The following VSTM2L variants were observed in gnomAD, a reference collection of about 807,000 sequenced individuals.
The protein encoded by VSTM2L is V-set and transmembrane domain-containing protein 2-like protein.
In VSTM2L, 9 loss-of-function variants were observed where a neutral mutation model predicts 19.9. The ratio of observed to expected loss-of-function variants is 0.45; its 90% CI spans 0.27 to 0.79. The LOEUF is 0.79. Among genes scored for constraint, VSTM2L ranks in the 30% least tolerant of loss-of-function variants. The pLI is 0.15. For missense variants in VSTM2L, 286 were observed against 295.5 expected (o/e 0.97, Z 0.24); for synonymous variants, 127 against 133.8 (o/e 0.95, Z 0.35).
chr20:37,921,066 A>G (rs1319885565), intron 1 of VSTM2L, among the ~76,000 whole-genome samples: 1 of 152,208 alleles, frequency 6.6e-6, no homozygotes, highest in Non-Finnish European at 1.5e-5. Flanking sequence ...AACATCTGTC[A>G]TATAACACAC....
intron 1 of VSTM2L, among the ~76,000 whole-genome samples, chr20:37,909,896 T>C (rs1441558940): frequency 6.6e-6 from 1 of 152,178 alleles, no homozygotes; most frequent in African/African-American, 2.4e-5. Context: ...CTCCCCCTGG[T>C]TCCCACTGCT....
intron 3 of VSTM2L, among the ~76,000 whole-genome samples, chr20:37,936,839 T>G (rs573981044): frequency 6.6e-6 from 1 of 152,200 alleles, no homozygotes; most frequent in African/African-American, 2.4e-5. Context: ...GTGACAGTGG[T>G]TCCTAGGGTG....
chr20:37,919,369 A>G (rs6021867), intron 1 of VSTM2L, among the ~76,000 whole-genome samples: 41,396 of 152,156 alleles, frequency 0.27, 7,335 homozygotes, highest in African/African-American at 0.51. Context: ...GCCAAGGGCT[A>G]CCCAGAAAGA....
At chr20:37,940,436 C>T (rs568203534) in intron 3 of VSTM2L, among the ~76,000 whole-genome samples, 1 of 152,350 alleles carries the variant, frequency 6.6e-6, no homozygotes, top group East Asian at 1.9e-4. Flanking sequence ...AGGGAAGGCT[C>T]AGCATGAGGG....
intron 1 of VSTM2L, among the ~76,000 whole-genome samples, chr20:37,918,938 A>G (rs1297960520): frequency 3.3e-5 from 5 of 152,356 alleles, no homozygotes; most frequent in Non-Finnish European, 7.3e-5. Flanking sequence ...ACTATGATTC[A>G]TGGCCATATG....
In VSTM2L at chr20:37,944,133, A is replaced by G. The variant is rs1225033737; in HGVS notation, c.495A>G (p.Pro165=). ...HKVKAYLRVQ[P]GENSVLHLPE... is the part of the protein sequence containing the mutation. ...TCAAGGCCTACCTGCGGGTGCAGCC[A>G]GGGGAGAACTCCGTCCTGCATCTGC... is the stretch of plus-strand genomic sequence containing the variant. The change falls in exon 4 of 4, where the codon CCA becomes CCG. Residue 165 remains proline, a synonymous_variant. Coordinates refer to ENST00000373461, the MANE Select transcript of VSTM2L (RefSeq NM_080607.3). 6 of 1,610,162 alleles carry G rather than the reference A, an allele frequency of 3.7e-6. No homozygotes were observed. The highest frequency in any genetic ancestry group is 5.1e-6 in the Non-Finnish European group (6 of 1,178,096).
intron 1 of VSTM2L, among the ~76,000 whole-genome samples, chr20:37,917,375 C>T (rs1454687613): frequency 6.6e-6 from 1 of 152,114 alleles, no homozygotes; most frequent in African/African-American, 2.4e-5. Context: ...CTAGGCAGGG[C>T]GGCCCCTCCT....
chr20:37,921,466 C>T (rs982623307), intron 1 of VSTM2L, among the ~76,000 whole-genome samples: 3 of 152,196 alleles, frequency 2.0e-5, no homozygotes, highest in African/African-American at 7.2e-5. Context: ...CTGCCTGCCA[C>T]CAGAGCTGCT....
Position 37,903,599 on chromosome 20 carries a change from C to T in VSTM2L, c.121+128C>T, listed in dbSNP as rs2122925257. The T allele has an allele frequency of 3.1e-6, 4 of 1,284,100 alleles. No individual in the cohort carries two copies. In the South Asian group the frequency reaches 6.3e-5, roughly 20 times the overall value. 79.5% of individuals were successfully genotyped at this position (1,284,100 alleles called of 1,614,324 possible). A position where few individuals can be genotyped will look rare whatever the true frequency, so the allele number is the denominator to read the frequency against. ...GCGGGCATCCCGGGGCGCCCCCTGC[C>T]GGCGCGGTGGACCCGCCCTGGCACC... On this transcript the variant is annotated intron_variant, in intron 1 of 3. Coordinates refer to ENST00000373461, the MANE Select transcript of VSTM2L (RefSeq NM_080607.3).
rs750951921 is a variant in VSTM2L at position 37,933,541 on chromosome 20, A to G, written c.294A>G (p.Leu98=). 3.1e-6 allele frequency: 5 copies of G among 1,611,984 alleles called. No homozygotes were observed. The Admixed American group carries it at 5.0e-5, about 16-fold the overall frequency. The part of the protein sequence containing the change: ...TDKQAWASNQ[L]KASQQEDAGK... ...CCGCCCCTCCCCGATCCCAACAGCT[A>G]AAAGCATCTCAGCAGGAAGACGCAG... Residue 98 remains leucine, a splice_region_variant and synonymous_variant, in exon 3 of 4, where the codon CTA becomes CTG. Coordinates refer to ENST00000373461, the MANE Select transcript of VSTM2L (RefSeq NM_080607.3).
chr20:37,903,549 GGGGCTCGAACCGGCGCCAGTCGTGGC>G (rs1281619860), intron 1 of VSTM2L, 78 bp downstream of exon 1: 2 of 1,331,102 alleles, frequency 1.5e-6, no homozygotes, highest in African/African-American at 3.1e-5. Context: ...TGGCCGCCCC[GGGGCTCGAACCGGCGCCAGTCGTGGC>G]GGGCATCCCG....
At chr20:37,905,023 G>T (rs1266668962) in intron 1 of VSTM2L, among the ~76,000 whole-genome samples, 1 of 152,162 alleles carries the variant, frequency 6.6e-6, no homozygotes, top group Non-Finnish European at 1.5e-5. Flanking sequence ...GCTCAGAGAG[G>T]TGAAGGAAGT....
chr20:37,935,354 C>T (rs1434261237), intron 3 of VSTM2L, among the ~76,000 whole-genome samples: 1 of 152,230 alleles, frequency 6.6e-6, no homozygotes, highest in Non-Finnish European at 1.5e-5. Context: ...ATTCCTAATA[C>T]ACAGGTACTC....
At chr20:37,936,343 G>A (rs901708828) in intron 3 of VSTM2L, among the ~76,000 whole-genome samples, 14 of 152,162 alleles carry the variant, frequency 9.2e-5, no homozygotes, top group African/African-American at 3.4e-4. Context: ...ATATTCCCAT[G>A]ACTTCTAAAA....
rs775170898 is a variant in VSTM2L, at chr20:37,931,660, C to A, written c.147C>A (p.Asp49Glu). The change falls in exon 2 of 4, where the codon GAC (aspartate) becomes GAA (glutamate). Residue 49 changes from aspartate to glutamate, a missense_variant. Physicochemically the swap from Asp to Glu is conservative, Grantham distance 45. Transcript: ENST00000373461. ...CCCTGTTCACAGAGACACCCCATGA[C>A]ATGACAGCACGGACGGGCGAGGACG... The part of the protein sequence containing the change: ...GHALFTETPH[D>E]MTARTGEDVE... 3 of 1,613,308 alleles carry A rather than the reference C, an allele frequency of 1.9e-6. No individual in the cohort carries two copies. In the East Asian group the frequency reaches 6.7e-5, roughly 36 times the overall value.
chr20:37,930,847 C>T (rs1311399149), intron 1 of VSTM2L, among the ~76,000 whole-genome samples: 1 of 152,146 alleles, frequency 6.6e-6, no homozygotes, highest in East Asian at 1.9e-4. Context: ...GCTCTGCGCC[C>T]GCAACTGCCA....
chr20:37,910,621 T>C (rs1002945259), intron 1 of VSTM2L, among the ~76,000 whole-genome samples: 3 of 152,104 alleles, frequency 2.0e-5, no homozygotes, highest in African/African-American at 7.2e-5. Flanking sequence ...ATAAAGAATA[T>C]GTAAGTATAG....
chr20:37,929,986 C>G (rs1010116906), intron 1 of VSTM2L, among the ~76,000 whole-genome samples: 2 of 152,164 alleles, frequency 1.3e-5, no homozygotes, highest in Non-Finnish European at 2.9e-5. Flanking sequence ...CCACACCATC[C>G]CTCGCAAATG....
At chr20:37,911,209 G>A (rs1186401253) in intron 1 of VSTM2L, among the ~76,000 whole-genome samples, 1 of 126,020 alleles carries the variant, frequency 7.9e-6, no homozygotes, top group Non-Finnish European at 1.6e-5. Flanking sequence ...GGCGGAGATA[G>A]CAGTGAGCCT....
Sources: allele counts gnomAD v4.1 joint callset (sites outside exome capture counted in the v4.1 genomes callset), GRCh38; gene constraint gnomAD v4.1.1; transcripts MANE v1.5; gene names NCBI Gene and HGNC (gene_info 2026-07-23, HGNC 2026-07-21).